Variants in GRID2 observed in about 807,000 individuals in gnomAD.
GRID2 encodes glutamate receptor ionotropic, delta-2.
In GRID2, 33 loss-of-function variants were observed where a neutral mutation model predicts 114.8. The observed-to-expected ratio is 0.29, with a 90% CI of 0.22 to 0.38. The LOEUF is 0.38. Among genes scored for constraint, GRID2 ranks in the 10% least tolerant of loss-of-function variants. The pLI, the probability that GRID2 is intolerant of heterozygous loss-of-function variation, is 1.00. For synonymous variants in GRID2, 505 were observed against 449.9 expected, an observed-to-expected ratio of 1.12 and a Z score of -1.55; for missense variants, 1,184 against 1,257.7, an observed-to-expected ratio of 0.94 and a Z score of 0.89.
At chr4:92,323,842 A>G (rs1726454975) in intron 1 of GRID2, among the ~76,000 whole-genome samples, 1 of 152,000 alleles carries the variant, frequency 6.6e-6, no homozygotes, top group South Asian at 2.1e-4. Context: ...TCATGAGCAC[A>G]TTGAGAGGTT....
At chr4:93,515,794 G>A (rs528640380) in intron 13 of GRID2, among the ~76,000 whole-genome samples, 204 of 152,124 alleles carry the variant, frequency 1.3e-3, no homozygotes, top group African/African-American at 4.8e-3. Context: ...ACTTGTTTTT[G>A]GATTAAACCG....
chr4:93,348,799 T>C (rs929733337), intron 8 of GRID2, among the ~76,000 whole-genome samples: 14 of 152,160 alleles, frequency 9.2e-5, no homozygotes, highest in Non-Finnish European at 1.5e-4. Context: ...AAATAAAATA[T>C]AAAAAGATGC....
At chr4:92,758,483 T>G (rs1737836468) in intron 2 of GRID2, among the ~76,000 whole-genome samples, 1 of 152,068 alleles carries the variant, frequency 6.6e-6, no homozygotes, top group Admixed American at 6.6e-5. Flanking sequence ...AACTTTTGAG[T>G]CAAATAGGCC....
intron 2 of GRID2, among the ~76,000 whole-genome samples, chr4:92,743,084 T>G (rs912060215): frequency 6.6e-6 from 1 of 152,104 alleles, no homozygotes; most frequent in Non-Finnish European, 1.5e-5. Flanking sequence ...TGAGACCAGC[T>G]TGGACAACAT....
chr4:92,546,379 C>T (rs998147546), intron 1 of GRID2, among the ~76,000 whole-genome samples: 1 of 152,106 alleles, frequency 6.6e-6, no homozygotes, highest in Non-Finnish European at 1.5e-5. Context: ...CAGACAGACC[C>T]TTTTATCATG....
chr4:93,306,501 C>G (rs1284786947), intron 8 of GRID2, among the ~76,000 whole-genome samples: 2 of 152,026 alleles, frequency 1.3e-5, no homozygotes, highest in Non-Finnish European at 2.9e-5. Flanking sequence ...AAAAGGTAAC[C>G]AAAGAATGAG....
At chr4:92,626,631 ATTAAGT>A (rs1372212181) in intron 2 of GRID2, among the ~76,000 whole-genome samples, 2 of 152,042 alleles carry the variant, frequency 1.3e-5, no homozygotes, top group East Asian at 3.9e-4. Context: ...ATAAACCTAG[ATTAAGT>A]TTAAAATGGA....
chr4:92,900,616 G>A (rs969132900), intron 2 of GRID2, among the ~76,000 whole-genome samples: 6 of 152,130 alleles, frequency 3.9e-5, no homozygotes, highest in African/African-American at 9.7e-5. Flanking sequence ...GAATCATGAG[G>A]TCAGGAGATC....
At chr4:93,013,612 T>A (rs1722401022) in intron 2 of GRID2, among the ~76,000 whole-genome samples, 1 of 152,016 alleles carries the variant, frequency 6.6e-6, no homozygotes, top group Non-Finnish European at 1.5e-5. Flanking sequence ...TCAGTCAGTA[T>A]TTTTAGTATA....
intron 2 of GRID2, among the ~76,000 whole-genome samples, chr4:92,985,159 C>A (rs897516936): frequency 6.6e-6 from 1 of 151,742 alleles, no homozygotes; most frequent in East Asian, 1.9e-4. Context: ...CAATTATTAC[C>A]GTGGTTTTTG....
At chr4:93,499,617 G>A (rs1024643675) in intron 12 of GRID2, among the ~76,000 whole-genome samples, 1 of 151,794 alleles carries the variant, frequency 6.6e-6, no homozygotes, top group Admixed American at 6.6e-5. Flanking sequence ...TTCCCAGGCA[G>A]AATTAGCCAT....
At chr4:93,199,452 G>A (rs1182794726) in intron 4 of GRID2, among the ~76,000 whole-genome samples, 5 of 152,104 alleles carry the variant, frequency 3.3e-5, no homozygotes, top group South Asian at 2.1e-4. Flanking sequence ...AAGTCTCAGC[G>A]GTGGCATATT....
At chr4:93,062,064 T>A (rs1328637376) in intron 2 of GRID2, among the ~76,000 whole-genome samples, 1 of 152,128 alleles carries the variant, frequency 6.6e-6, no homozygotes, top group Non-Finnish European at 1.5e-5. Flanking sequence ...CATTGACCCC[T>A]CCCAGGAGGA....
In GRID2 at chr4:93,422,767, G is replaced by A. The variant is rs754754906; in HGVS notation, c.1348-4G>A. 5 of 1,599,112 alleles carry A rather than the reference G, an allele frequency of 3.1e-6. No homozygotes were observed. Among genetic ancestry groups the A allele is most frequent in the Non-Finnish European group, 3.4e-6 (4 of 1,166,652 alleles). ...CATCAGAAATTTCTCTTATTTCCAT[G>A]TAGGAAGAACCTTTTGTGATGGTCT... On this transcript the variant is annotated splice_polypyrimidine_tract_variant and splice_region_variant and intron_variant, in intron 9 of 15. Transcript: ENST00000282020.
chr4:93,712,183 G>A (rs1224393492), intron 14 of GRID2, among the ~76,000 whole-genome samples: 1 of 151,652 alleles, frequency 6.6e-6, no homozygotes, highest in Admixed American at 6.6e-5. Context: ...TTTTCATAAT[G>A]GTTTATATTT....
intron 9 of GRID2, among the ~76,000 whole-genome samples, chr4:93,412,544 G>A (rs970280457): frequency 6.6e-5 from 10 of 152,064 alleles, no homozygotes; most frequent in Non-Finnish European, 1.2e-4. Context: ...TATTAGATGA[G>A]ATAATATAAA....
At chr4:92,956,596 TATAA>T (rs1162166096) in intron 2 of GRID2, among the ~76,000 whole-genome samples, 8 of 152,198 alleles carry the variant, frequency 5.3e-5, no homozygotes, top group African/African-American at 1.7e-4. Context: ...TTTTGGCAAT[TATAA>T]ATAAAGCTAC....
chr4:93,161,188 A>T (rs2149407623), intron 4 of GRID2, among the ~76,000 whole-genome samples: 1 of 152,048 alleles, frequency 6.6e-6, no homozygotes, highest in African/African-American at 2.4e-5. Context: ...CAGTACATAT[A>T]TTTGCAATGA....
In GRID2 at chr4:92,440,369, C is replaced by T. The variant is rs371163555; in HGVS notation, c.88+135625C>T. ...TCTGACAGAAGGGAAGAAATGACTG[C>T]GGTGGCCTTCTCAGACCCTGTAGGA... On this transcript the variant is annotated intron_variant, in intron 1 of 15. Transcript: ENST00000282020. Among the ~76,000 whole-genome samples the T allele has an allele frequency of 8.0e-3, 1,176 of 146,396 alleles. 34 individuals are homozygous for T. Among genetic ancestry groups the T allele is most frequent in the African/African-American group, 0.026 (1,032 of 40,470 alleles).
Sources: allele counts gnomAD v4.1 joint callset (sites outside exome capture counted in the v4.1 genomes callset), GRCh38; gene constraint gnomAD v4.1.1; transcripts MANE v1.5; gene names NCBI Gene and HGNC (gene_info 2026-07-23, HGNC 2026-07-21).